CDH7: variants seen among roughly 807,000 people sequenced by gnomAD.
The protein encoded by CDH7 is cadherin-7.
CDH7 carries 25 observed loss-of-function variants against 71.8 expected under a neutral mutation model. The observed-to-expected ratio is 0.35, with a 90% CI of 0.25 to 0.49. The LOEUF (loss-of-function observed/expected upper bound fraction) is 0.49. Ranked by LOEUF, CDH7 falls within the 20% of genes least tolerant of loss-of-function variation. The pLI, the probability that CDH7 is intolerant of heterozygous loss-of-function variation, is 0.99. For missense variants in CDH7, 862 were observed against 974.6 expected (o/e 0.88, Z 1.54); for synonymous variants, 381 against 363.8 (o/e 1.05, Z -0.54).
chr18:65,856,335 C>T (rs547682552), intron 7 of CDH7, among the ~76,000 whole-genome samples: 1 of 152,040 alleles, frequency 6.6e-6, no homozygotes, highest in African/African-American at 2.4e-5. Flanking sequence ...TCCATATACA[C>T]AGGAGTAATA....
chr18:65,765,131 C>T (rs1916315114), intron 2 of CDH7, among the ~76,000 whole-genome samples: 1 of 151,942 alleles, frequency 6.6e-6, no homozygotes, highest in East Asian at 1.9e-4. Context: ...AGTTCAATAT[C>T]GCCTTTCATA....
chr18:65,856,872 T>C (rs1333065658), intron 7 of CDH7, among the ~76,000 whole-genome samples: 1 of 151,640 alleles, frequency 6.6e-6, no homozygotes, highest in Non-Finnish European at 1.5e-5. Flanking sequence ...ACAAGTGGAG[T>C]AGTAATTTTT....
At chr18:65,805,593 G>A (rs1911287021) in intron 2 of CDH7, among the ~76,000 whole-genome samples, 1 of 152,192 alleles carries the variant, frequency 6.6e-6, no homozygotes, top group South Asian at 2.1e-4. Context: ...TGAATTCTCA[G>A]CAAAGATGTA....
chr18:65,876,367 G>A (rs1044097153), intron 11 of CDH7, among the ~76,000 whole-genome samples: 6 of 152,144 alleles, frequency 3.9e-5, no homozygotes, highest in Admixed American at 3.3e-4. Flanking sequence ...CCTCTCCTTG[G>A]TCCAGTAAGA....
At chr18:65,873,177 G>T (rs1004551799) in intron 11 of CDH7, among the ~76,000 whole-genome samples, 10 of 152,102 alleles carry the variant, frequency 6.6e-5, no homozygotes, top group African/African-American at 2.4e-4. Context: ...TCCAGATTGT[G>T]CTGGCAGATT....
At position 65,858,946 on chromosome 18, in the gene CDH7, G is replaced by A. The variant is rs916716569; in HGVS notation, c.1394G>A (p.Arg465Lys). The A allele has an allele frequency of 6.2e-7, 1 of 1,612,192 alleles. No homozygotes were observed. The highest frequency in any genetic ancestry group is 1.3e-5 in the African/African-American group (1 of 74,954). ...TTAGAGAATCCATCTCAAGTAGGAA[G>A]AGGCTATGTGGCCATCACTATACTT... Reference protein sequence around the residue: ...MESQNPSQVGRGYVAITILDI... With the variant: ...MESQNPSQVGKGYVAITILDI... Residue 465 changes from arginine to lysine, a missense_variant, in exon 9 of 12, where the codon AGA becomes AAA. Arg to Lys is a conservative substitution (Grantham distance 26). Coordinates refer to ENST00000397968, the MANE Select transcript of CDH7 (RefSeq NM_004361.5).
intron 7 of CDH7, among the ~76,000 whole-genome samples, chr18:65,857,222 C>T (rs889288333): frequency 6.6e-6 from 1 of 151,024 alleles, no homozygotes; most frequent in African/African-American, 2.4e-5. Flanking sequence ...GTGGCTCACG[C>T]CTATAATCCC....
At chr18:65,807,229 A>C (rs1389310964) in intron 2 of CDH7, among the ~76,000 whole-genome samples, 1 of 152,148 alleles carries the variant, frequency 6.6e-6, no homozygotes, top group Non-Finnish European at 1.5e-5. Flanking sequence ...AATGGAGAAC[A>C]ACTGACAACC....
intron 2 of CDH7, among the ~76,000 whole-genome samples, chr18:65,776,211 C>T (rs148765451): frequency 0.017 from 2,593 of 152,056 alleles, 51 homozygotes; most frequent in Non-Finnish European, 0.021. Context: ...CACAGGTGCA[C>T]CCCACTGTGC....
At chr18:65,844,371 G>A (rs1041370816) in intron 7 of CDH7, among the ~76,000 whole-genome samples, 6 of 151,558 alleles carry the variant, frequency 4.0e-5, no homozygotes, top group African/African-American at 1.5e-4. Flanking sequence ...AGCAAAACAT[G>A]TTCAAAAATG....
chr18:65,795,295 C>A (rs1910871545), intron 2 of CDH7, among the ~76,000 whole-genome samples: 1 of 152,038 alleles, frequency 6.6e-6, no homozygotes, highest in Non-Finnish European at 1.5e-5. Flanking sequence ...ATTCAGTTGG[C>A]ACTTTTTTTC....
At chr18:65,846,555 C>A (rs1599047028) in intron 7 of CDH7, among the ~76,000 whole-genome samples, 1 of 152,076 alleles carries the variant, frequency 6.6e-6, no homozygotes, top group Non-Finnish European at 1.5e-5. Flanking sequence ...AAGGTCAGCA[C>A]AATTATTTAT....
chr18:65,859,359 C>T (rs943115079), intron 9 of CDH7, among the ~76,000 whole-genome samples: 4 of 152,132 alleles, frequency 2.6e-5, no homozygotes, highest in Non-Finnish European at 4.4e-5. Flanking sequence ...CTTACCCAAC[C>T]GGGTTTAAGT....
intron 3 of CDH7, among the ~76,000 whole-genome samples, chr18:65,810,326 A>G (rs1410380883): frequency 6.6e-6 from 1 of 152,200 alleles, no homozygotes; most frequent in African/African-American, 2.4e-5. Context: ...AGAAGTTAAC[A>G]AACAGAATTC....
chr18:65,787,222 A>G (rs7244809), intron 2 of CDH7, among the ~76,000 whole-genome samples: 2,595 of 152,270 alleles, frequency 0.017, 65 homozygotes, highest in African/African-American at 0.059. Flanking sequence ...CTGACAAAAC[A>G]TTTCATCGTT....
At chr18:65,803,009 A>G (rs933781531) in intron 2 of CDH7, 1 of 152,182 alleles carries the variant, frequency 6.6e-6, no homozygotes, top group Non-Finnish European at 1.5e-5. Context: ...CACTATATGG[A>G]AATGTATTAA....
chr18:65,771,676 A>T (rs1181478788), intron 2 of CDH7, among the ~76,000 whole-genome samples: 1 of 150,080 alleles, frequency 6.7e-6, no homozygotes, highest in Non-Finnish European at 1.5e-5. Flanking sequence ...ACTCTGCCTC[A>T]AAAGAAAAAA....
intron 10 of CDH7, among the ~76,000 whole-genome samples, chr18:65,862,334 T>C (rs1049418528): frequency 3.9e-5 from 6 of 152,182 alleles, no homozygotes; most frequent in Non-Finnish European, 7.4e-5. Flanking sequence ...TTCTATAAGT[T>C]TATGGTGTCA....
At chr18:65,788,720 T>C (rs1405861857) in intron 2 of CDH7, among the ~76,000 whole-genome samples, 1 of 152,188 alleles carries the variant, frequency 6.6e-6, no homozygotes, top group Admixed American at 6.5e-5. Context: ...GAATAGTGAA[T>C]GCTATTTTTA....
Sources: gnomAD v4.1 joint callset for allele counts (sites outside exome capture counted in the v4.1 genomes callset) on GRCh38, gnomAD v4.1.1 for gene constraint, MANE v1.5 for transcripts, NCBI Gene and HGNC (gene_info 2026-07-23, HGNC 2026-07-21) for gene names.